Variants in STAM2 observed in about 807,000 individuals in gnomAD.
STAM2 encodes the protein signal transducing adapter molecule 2.
Under a neutral mutation model 65.6 loss-of-function variants are expected in STAM2, and 51 were observed. The ratio of observed to expected loss-of-function variants is 0.78; its 90% CI spans 0.62 to 0.98. The LOEUF is 0.98. STAM2 is among the 50% of genes least tolerant of loss of function. STAM2 has a pLI of 0.00. For missense variants in STAM2, 584 were observed against 617.8 expected (o/e 0.95, Z 0.58); for synonymous variants, 198 against 208.4 (o/e 0.95, Z 0.43).
rs149960401 is a variant in STAM2 at position 152,120,674 on chromosome 2, G to A, written c.1478C>T (p.Thr493Ile). The change falls in exon 14 of 14, where the codon ACT becomes ATT. Residue 493 changes from threonine to isoleucine, a missense_variant. Physicochemically the swap from Thr to Ile is moderately conservative, Grantham distance 89. Coordinates refer to ENST00000263904, the MANE Select transcript of STAM2 (RefSeq NM_005843.6). ...TGCCAGTTGAGGCAAATTGGAAGTA[G>A]TGTTCTGATAAGATGACATATCCAC... Reference protein sequence around the residue: ...MSVDMSSYQNTTSNLPQLAGF... With the variant: ...MSVDMSSYQNITSNLPQLAGF... 8.8e-5 allele frequency: 142 copies of A among 1,614,164 alleles called. No individual in the cohort carries two copies. The African/African-American group carries it at 1.6e-3, about 18-fold the overall frequency.
At chr2:152,137,051 C>A (rs1689169545) in intron 7 of STAM2, among the ~76,000 whole-genome samples, 1 of 151,882 alleles carries the variant, frequency 6.6e-6, no homozygotes, top group Non-Finnish European at 1.5e-5. Context: ...TGCACCACCA[C>A]ACCTATTTTT....
At chr2:152,130,692 TA>T (rs986121047) in intron 11 of STAM2, among the ~76,000 whole-genome samples, 477 of 140,706 alleles carry the variant, frequency 3.4e-3, no homozygotes, top group Middle Eastern at 3.6e-3. Context: ...ACCCTGTCTT[TA>T]AAAAAAAAAA....
chr2:152,172,431 G>A (rs963546337), intron 1 of STAM2, among the ~76,000 whole-genome samples: 2 of 151,950 alleles, frequency 1.3e-5, no homozygotes, highest in Non-Finnish European at 2.9e-5. Flanking sequence ...TTCCTCATAT[G>A]ACTGTCAGAA....
At chr2:152,125,292 G>C (rs936336692) in intron 12 of STAM2, among the ~76,000 whole-genome samples, 1 of 152,138 alleles carries the variant, frequency 6.6e-6, no homozygotes, top group Non-Finnish European at 1.5e-5. Context: ...TGGCATATTT[G>C]ATAAATGTAT....
At position 152,132,114 on chromosome 2, in the gene STAM2, C is replaced by T; in HGVS notation, c.1025G>A (p.Arg342Lys). The T allele has an allele frequency of 6.2e-7, 1 of 1,610,600 alleles. No homozygotes were observed. The highest frequency in any genetic ancestry group is 2.2e-5 in the East Asian group (1 of 44,748). Reference sequence around the variant, plus strand: ...TTTATTCCTGCACGAAAAATCTCACCTATCAATTTCTTCAAGTTTTTCATC... The same window carrying T: ...TTTATTCCTGCACGAAAAATCTCACTTATCAATTTCTTCAAGTTTTTCATC... ...MIDEKLEEID[R>K]KHSELSELNV... The change falls in exon 11 of 14, where the codon AGG (arginine) becomes AAG (lysine). Residue 342 changes from arginine (R) to lysine (K), a missense_variant and splice_region_variant. Physicochemically the swap from Arg to Lys is conservative, Grantham distance 26. Coordinates refer to ENST00000263904, the MANE Select transcript of STAM2 (RefSeq NM_005843.6).
chr2:152,148,003 T>G, intron 4 of STAM2, 21 bp downstream of exon 4: 1 of 1,561,662 alleles, frequency 6.4e-7, no homozygotes, highest in Non-Finnish European at 8.8e-7. Context: ...GACTTAAAGT[T>G]CTTCTGTTTT....
Position 152,159,110 on chromosome 2 carries a change from T to TATATATATATATATACAC in STAM2, c.41-8882_41-8881insGTGTATATATATATATAT, listed in dbSNP as rs575009275. ...AAAAAAAACCATATATATATATATATACACACACAGATATATATAATTTTT... is the reference window on the plus strand; with the variant it reads ...AAAAAAAACCATATATATATATATATATATATATATATATACACACACACACAGATATATATAATTTTT... On this transcript the variant is annotated intron_variant, in intron 1 of 13. Coordinates refer to ENST00000263904, the MANE Select transcript of STAM2 (RefSeq NM_005843.6). Among the ~76,000 whole-genome samples, 96 of 129,268 alleles carry TATATATATATATATACAC rather than the reference T, an allele frequency of 7.4e-4. 1 individual carries two copies. In the East Asian group the frequency reaches 0.025, roughly 33 times the overall value. The allele number at this position is 129,268 out of a possible 152,430, so 84.8% of individuals were successfully genotyped here. A position where few individuals can be genotyped will look rare whatever the true frequency, so the allele number is the denominator to read the frequency against.
At chr2:152,148,438 G>C in intron 2 of STAM2, 138 bp from the exon 3 acceptor site, 1 of 672,608 alleles carries the variant, frequency 1.5e-6, no homozygotes, top group East Asian at 2.9e-5. Flanking sequence ...GGGAAGCCAA[G>C]GCGGGAGGAT....
intron 1 of STAM2, among the ~76,000 whole-genome samples, chr2:152,164,980 C>T (rs1689750189): frequency 6.6e-6 from 1 of 152,156 alleles, no homozygotes; most frequent in African/African-American, 2.4e-5. Context: ...TAGGTGAGAA[C>T]CACGTCCCCC....
Position 152,120,394 on chromosome 2 carries a change from TGA to T in STAM2, c.*178_*179del, listed in dbSNP as rs1491384471. 2.0e-6 allele frequency: 1 copy of T among 494,784 alleles called. No individual in the cohort carries two copies. The highest frequency in any genetic ancestry group is 3.4e-6 in the Non-Finnish European group (1 of 292,610). The allele number at this position is 494,784 out of a possible 1,614,324, so 30.6% of individuals were successfully genotyped here. On this transcript the variant is annotated 3_prime_UTR_variant, in exon 14 of 14. Coordinates refer to ENST00000263904, the MANE Select transcript of STAM2 (RefSeq NM_005843.6). ...AAGATTGACTTCAAACAAACTGGAC[TGA>T]AAAAAAAAAAAAAAAAAAACCTTTT... is the stretch of plus-strand genomic sequence containing the variant.
chr2:152,154,950 A>T (rs1689514504), intron 1 of STAM2, among the ~76,000 whole-genome samples: 1 of 150,690 alleles, frequency 6.6e-6, no homozygotes, highest in Admixed American at 6.6e-5. Flanking sequence ...ACTTATTGGT[A>T]TCTTTCATAT....
At chr2:152,145,794 C>T (rs1490562609) in intron 5 of STAM2, among the ~76,000 whole-genome samples, 1 of 152,114 alleles carries the variant, frequency 6.6e-6, no homozygotes, top group African/African-American at 2.4e-5. Flanking sequence ...GAAGGTCATG[C>T]TTGAATTTAA....
At chr2:152,141,857 G>A (rs1689254855) in intron 7 of STAM2, among the ~76,000 whole-genome samples, 1 of 152,204 alleles carries the variant, frequency 6.6e-6, no homozygotes, top group Admixed American at 6.5e-5. Flanking sequence ...CCAAAGTGCT[G>A]GGATTACAGG....
In STAM2 at chr2:152,148,086, A is replaced by C; in HGVS notation, c.238T>G (p.Phe80Val). Residue 80 changes from phenylalanine to valine, a missense_variant, in exon 4 of 14, where the codon TTT becomes GTT. Physicochemically the swap from Phe to Val is conservative, Grantham distance 50. Transcript: ENST00000263904. The stretch of plus-strand genomic sequence containing the variant: ...TCACGGGAACATACTTCTAAATGAA[A>C]TATCTTTCCACAGTTTGCCACACAA... The part of the protein sequence containing the change: ...GACVANCGKI[F>V]HLEVCSRDFA... 1.2e-6 allele frequency: 2 copies of C among 1,611,294 alleles called. No homozygotes were observed. The highest frequency in any genetic ancestry group is 1.7e-6 in the Non-Finnish European group (2 of 1,178,610).
chr2:152,165,630 G>C (rs985979407), intron 1 of STAM2, among the ~76,000 whole-genome samples: 3 of 152,108 alleles, frequency 2.0e-5, no homozygotes, highest in Non-Finnish European at 2.9e-5. Flanking sequence ...AAACAACGAG[G>C]ACCTGCCTTG....
At chr2:152,145,664 C>G (rs1159366930) in intron 5 of STAM2, among the ~76,000 whole-genome samples, 5 of 152,164 alleles carry the variant, frequency 3.3e-5, no homozygotes, top group Non-Finnish European at 7.3e-5. Context: ...ATGATCATCA[C>G]TGAAGAGAGA....
chr2:152,175,493 CCTTCG>C, intron 1 of STAM2, 105 bp downstream of exon 1: 3 of 1,419,012 alleles, frequency 2.1e-6, no homozygotes, highest in Non-Finnish European at 3.0e-6. Context: ...CCCTCCCCTC[CCTTCG>C]CTTTGCTTCC....
intron 1 of STAM2, among the ~76,000 whole-genome samples, chr2:152,166,560 C>T (rs1215491662): frequency 6.6e-6 from 1 of 152,066 alleles, no homozygotes; most frequent in Non-Finnish European, 1.5e-5. Flanking sequence ...GGGACAATGG[C>T]CATTCCCAGA....
chr2:152,173,979 A>T (rs146474285), intron 1 of STAM2, among the ~76,000 whole-genome samples: 3 of 152,210 alleles, frequency 2.0e-5, no homozygotes, highest in Non-Finnish European at 4.4e-5. Flanking sequence ...ATCTAGACAC[A>T]GTTTTTTTGT....
Sources: allele counts gnomAD v4.1 joint callset (sites outside exome capture counted in the v4.1 genomes callset), GRCh38; gene constraint gnomAD v4.1.1; transcripts MANE v1.5; gene names NCBI Gene and HGNC (gene_info 2026-07-23, HGNC 2026-07-21).